Variants in ARID4B observed in about 807,000 individuals in gnomAD.
ARID4B encodes the protein AT-rich interaction domain 4B.
Under a neutral mutation model 147.5 loss-of-function variants are expected in ARID4B, and 26 were observed. That is an observed-to-expected ratio of 0.18 (90% confidence interval 0.13 to 0.24). The LOEUF (loss-of-function observed/expected upper bound fraction) is 0.24, where lower values mean the gene tolerates loss of function less well. ARID4B is among the 10% of genes least tolerant of loss of function. The pLI is 1.00. For synonymous variants in ARID4B, 512 were observed against 507.9 expected, an observed-to-expected ratio of 1.01 and a Z score of -0.11; for missense variants, 1,179 against 1,511.5, an observed-to-expected ratio of 0.78 and a Z score of 3.65.
chr1:235,187,077 C>CTTT (rs11335836), intron 19 of ARID4B: 686 of 267,180 alleles, frequency 2.6e-3, no homozygotes, highest in South Asian at 4.5e-3. Flanking sequence ...GCATCTTATT[C>CTTT]TTTTTTTTTT....
intron 18 of ARID4B, among the ~76,000 whole-genome samples, chr1:235,195,098 C>T (rs1472258796): frequency 6.6e-6 from 1 of 151,816 alleles, no homozygotes; most frequent in East Asian, 1.9e-4. Flanking sequence ...CATGAGTTAG[C>T]AGTAAGCACT....
chr1:235,250,094 G>C (rs139920648), intron 6 of ARID4B, among the ~76,000 whole-genome samples: 1 of 151,844 alleles, frequency 6.6e-6, no homozygotes, highest in Admixed American at 6.6e-5. Flanking sequence ...GCAACAGAGC[G>C]AGACTCCGTC....
intron 2 of ARID4B, among the ~76,000 whole-genome samples, chr1:235,274,711 G>A (rs2103156260): frequency 6.6e-6 from 1 of 152,244 alleles, no homozygotes; most frequent in East Asian, 1.9e-4. Flanking sequence ...GAGGTAAAAG[G>A]ATATAGAAGA....
intron 2 of ARID4B, among the ~76,000 whole-genome samples, chr1:235,270,307 CA>C (rs941765264): frequency 6.6e-6 from 1 of 151,968 alleles, no homozygotes; most frequent in South Asian, 2.1e-4. Flanking sequence ...CAAAACAAAA[CA>C]AAAAAACTCA....
At chr1:235,283,319 T>G (rs892656731) in intron 2 of ARID4B, among the ~76,000 whole-genome samples, 1 of 152,052 alleles carries the variant, frequency 6.6e-6, no homozygotes, top group Non-Finnish European at 1.5e-5. Context: ...CTTAACACCC[T>G]CTTAAAAAAA....
chr1:235,213,203 G>C (rs1053639275), intron 17 of ARID4B, among the ~76,000 whole-genome samples: 1 of 152,120 alleles, frequency 6.6e-6, no homozygotes, highest in Non-Finnish European at 1.5e-5. Flanking sequence ...CAGTCAAAAA[G>C]TGCATTCTAT....
In ARID4B at chr1:235,325,231, G is replaced by A. The variant is rs1675137706; in HGVS notation, c.6+1683C>T. Among the ~76,000 whole-genome samples, 3 of 152,102 alleles carry A rather than the reference G, an allele frequency of 2.0e-5. No homozygotes were observed. In the South Asian group the frequency reaches 6.2e-4, roughly 32 times the overall value. On this transcript the variant is annotated intron_variant, in intron 2 of 23. Transcript: ENST00000264183. ...TAAAAGCACCTTTTTAAAAAATGCA[G>A]TAGAATGTAATGCTGAGCACTTAAA...
In ARID4B at chr1:235,185,612, G is replaced by A. The variant is rs139688915; in HGVS notation, c.2126-2819C>T. Among the ~76,000 whole-genome samples, 65 of 152,188 alleles carry A rather than the reference G, an allele frequency of 4.3e-4. 1 individual carries two copies. The East Asian group carries it at 0.012, about 27-fold the overall frequency. On this transcript the variant is annotated intron_variant, in intron 19 of 23. Coordinates refer to ENST00000264183, the MANE Select transcript of ARID4B (RefSeq NM_016374.6). ...TATCTCATCTGTACTAGAGCTCATC[G>A]AGTAGTTTCCTTAAAAAGGTACATG...
At chr1:235,289,923 G>C (rs1342826296) in intron 2 of ARID4B, among the ~76,000 whole-genome samples, 1 of 151,922 alleles carries the variant, frequency 6.6e-6, no homozygotes, top group Non-Finnish European at 1.5e-5. Flanking sequence ...TCAACTACTT[G>C]GGAGGCTGAG....
intron 22 of ARID4B, among the ~76,000 whole-genome samples, chr1:235,173,757 AAAAAAAAAAAAAAAATATATATAT>A (rs1663559013): frequency 2.1e-5 from 1 of 48,612 alleles, no homozygotes; most frequent in African/African-American, 1.2e-4. Flanking sequence ...AAAAAAAAAA[AAAAAAAAAAAAAAAATATATATAT>A]ATATATATAT....
At chr1:235,169,157 C>G (rs549963671) in intron 23 of ARID4B, among the ~76,000 whole-genome samples, 1 of 152,264 alleles carries the variant, frequency 6.6e-6, no homozygotes, top group Admixed American at 6.5e-5. Flanking sequence ...GCATTCTCCG[C>G]CACTAGGTTT....
chr1:235,192,578 C>G (rs999993923), intron 19 of ARID4B, among the ~76,000 whole-genome samples: 1 of 152,080 alleles, frequency 6.6e-6, no homozygotes, highest in Non-Finnish European at 1.5e-5. Context: ...AAACACACAT[C>G]TACAATAAGA....
chr1:235,210,506 C>T (rs796478188), intron 17 of ARID4B, among the ~76,000 whole-genome samples: 49 of 151,778 alleles, frequency 3.2e-4, no homozygotes, highest in Admixed American at 2.2e-3. Context: ...CTGGAGGAGC[C>T]GCAAAAATAA....
At chr1:235,289,851 C>T (rs984945018) in intron 2 of ARID4B, among the ~76,000 whole-genome samples, 1 of 151,758 alleles carries the variant, frequency 6.6e-6, no homozygotes, top group Non-Finnish European at 1.5e-5. Context: ...TTCATAAATT[C>T]GATGTAAAAC....
At chr1:235,257,891 T>C (rs2103110997) in intron 3 of ARID4B, among the ~76,000 whole-genome samples, 1 of 152,316 alleles carries the variant, frequency 6.6e-6, no homozygotes, top group East Asian at 1.9e-4. Flanking sequence ...TTAGGTATTA[T>C]ATCATTTTGT....
In ARID4B at chr1:235,215,571, G is replaced by A. The variant is rs887967913; in HGVS notation, c.1584-1545C>T. Among the ~76,000 whole-genome samples the A allele has an allele frequency of 3.4e-5, 5 of 146,214 alleles. No homozygotes were observed. In the East Asian group the frequency reaches 7.9e-4, roughly 23 times the overall value. On this transcript the variant is annotated intron_variant, in intron 16 of 23. Coordinates refer to ENST00000264183, the MANE Select transcript of ARID4B (RefSeq NM_016374.6). ...TATGTGTGTGTGTGTGTGTGTGTGT[G>A]TGTGTGTGTATATATTTTTCCCCCC...
At chr1:235,193,339 G>A (rs1222926964) in intron 19 of ARID4B, among the ~76,000 whole-genome samples, 1 of 152,232 alleles carries the variant, frequency 6.6e-6, no homozygotes, top group East Asian at 1.9e-4. Flanking sequence ...TGAGGCTGAA[G>A]TGAGCTGAGA....
chr1:235,299,450 C>G (rs186423427), intron 2 of ARID4B, among the ~76,000 whole-genome samples: 40 of 152,288 alleles, frequency 2.6e-4, no homozygotes, highest in Admixed American at 5.2e-4. Flanking sequence ...CTCTGCCTCC[C>G]ATAGTACTCA....
rs34808765 is a variant in ARID4B, at chr1:235,176,437, C to CAAAAAAAAAA, written c.3449-1048_3449-1039dup. 5.8e-4 allele frequency among the ~76,000 whole-genome samples: 13 copies of CAAAAAAAAAA among 22,536 alleles called. 2 individuals are homozygous for CAAAAAAAAAA. Among genetic ancestry groups the CAAAAAAAAAA allele is most frequent in the African/African-American group, 1.2e-3 (12 of 10,076 alleles). 14.8% of individuals were successfully genotyped at this position (22,536 alleles called of 152,430 possible). On this transcript the variant is annotated intron_variant, in intron 21 of 23. Transcript: ENST00000264183. The stretch of plus-strand genomic sequence containing the variant: ...CTGATTTTTCACTTAACAACATCAC[C>CAAAAAAAAAA]AAAAAAAAAAAAAAAAAAAAAAAAA...
Sources: gnomAD v4.1 joint callset for allele counts (sites outside exome capture counted in the v4.1 genomes callset) on GRCh38, gnomAD v4.1.1 for gene constraint, MANE v1.5 for transcripts, NCBI Gene and HGNC (gene_info 2026-07-23, HGNC 2026-07-21) for gene names.